Variants in RETREG3 observed in about 807,000 individuals in gnomAD.
The protein encoded by RETREG3 is reticulophagy regulator 3.
A neutral mutation model predicts 50.2 loss-of-function variants in RETREG3; 23 were observed. The observed-to-expected ratio is 0.46, with a 90% CI of 0.33 to 0.65. RETREG3 has a LOEUF of 0.65. Among genes scored for constraint, RETREG3 ranks in the 30% least tolerant of loss-of-function variants. The pLI is 0.02. For synonymous variants in RETREG3, 240 were observed against 234.4 expected (o/e 1.02, Z -0.22); for missense variants, 546 against 598.0 (o/e 0.91, Z 0.91).
chr17:42,592,209 T>G lies in RETREG3; in HGVS notation c.240-47A>C, dbSNP rs887051788. ...AGAAAGATCATTTACCTAGTTATCC[T>G]AATTTCAGAAAAGGCCACGTGTGTA... On this transcript the variant is annotated intron_variant, in intron 1 of 8. Transcript: ENST00000309428. The G allele has an allele frequency of 5.8e-6, 9 of 1,550,012 alleles. No individual in the cohort carries two copies. The African/African-American group carries it at 8.2e-5, about 14-fold the overall frequency.
In RETREG3 at chr17:42,609,285, C is replaced by T. The variant is rs750264278; in HGVS notation, c.40G>A (p.Ala14Thr). ...CGGCCCCTGAAAGTCGACCCCGAAG[C>T]CGGGCCTGGGGTCGTGGGAACCCCT... ...AEGVPTTPGP[A>T]SGSTFRGRRD... The change falls in exon 1 of 9, where the codon GCT becomes ACT. Residue 14 changes from alanine (A) to threonine (T), a missense_variant. Transcript: ENST00000309428. The T allele has an allele frequency of 1.2e-6, 2 of 1,603,700 alleles. No individual in the cohort carries two copies. The highest frequency in any genetic ancestry group is 1.7e-6 in the Non-Finnish European group (2 of 1,179,738).
rs565437401 is a variant in RETREG3 at position 42,593,864 on chromosome 17, T to C, written c.240-1702A>G. On this transcript the variant is annotated intron_variant, in intron 1 of 8. Coordinates refer to ENST00000309428, the MANE Select transcript of RETREG3 (RefSeq NM_178126.4). Reference sequence around the variant, plus strand: ...CACTCTGGGTCATTTTTTCCCTTTTTTCCCCCTAAGTAACATGTGATGTGA... The same window carrying C: ...CACTCTGGGTCATTTTTTCCCTTTTCTCCCCCTAAGTAACATGTGATGTGA... Among the ~76,000 whole-genome samples the C allele has an allele frequency of 3.9e-5, 6 of 152,276 alleles. No homozygotes were observed. In the South Asian group the frequency reaches 6.2e-4, roughly 16 times the overall value.
chr17:42,602,149 C>G (rs995862713), intron 1 of RETREG3, among the ~76,000 whole-genome samples: 1 of 151,818 alleles, frequency 6.6e-6, no homozygotes, highest in Non-Finnish European at 1.5e-5. Flanking sequence ...AACTCCATCT[C>G]TACTAAAAAT....
chr17:42,587,755 G>A, intron 3 of RETREG3, 79 bp downstream of exon 3: 1 of 1,532,552 alleles, frequency 6.5e-7, no homozygotes, highest in Non-Finnish European at 9.0e-7. Flanking sequence ...TCCAGAACAT[G>A]GGGTTAACAA....
chr17:42,581,576 A>G lies in RETREG3; in HGVS notation c.*237T>C. The G allele has an allele frequency of 2.1e-6, 1 of 487,656 alleles. No individual in the cohort carries two copies. The highest frequency in any genetic ancestry group is 3.6e-6 in the Non-Finnish European group (1 of 276,554). 30.2% of individuals were successfully genotyped at this position (487,656 alleles called of 1,614,324 possible). A position where few individuals can be genotyped will look rare whatever the true frequency, so the allele number is the denominator to read the frequency against. Reference sequence around the variant, plus strand: ...CCAAAGTACCATCCTGATGGAGAGAAGCCTCCCTTGGGGGAGCACACTCTC... The same window carrying G: ...CCAAAGTACCATCCTGATGGAGAGAGGCCTCCCTTGGGGGAGCACACTCTC... On this transcript the variant is annotated 3_prime_UTR_variant, in exon 9 of 9. Coordinates refer to ENST00000309428, the MANE Select transcript of RETREG3 (RefSeq NM_178126.4).
At chr17:42,601,567 A>C (rs2093158557) in intron 1 of RETREG3, among the ~76,000 whole-genome samples, 1 of 124,666 alleles carries the variant, frequency 8.0e-6, no homozygotes, top group South Asian at 2.8e-4. Flanking sequence ...ACAGAGCGAG[A>C]CTCTCTCAAA....
Position 42,609,371 on chromosome 17 carries a change from C to A in RETREG3, c.-47G>T, listed in dbSNP as rs751767725. 3.2e-6 allele frequency: 5 copies of A among 1,557,514 alleles called. No homozygotes were observed. Among genetic ancestry groups the A allele is most frequent in the Non-Finnish European group, 4.3e-6 (5 of 1,154,822 alleles). On this transcript the variant is annotated 5_prime_UTR_variant, in exon 1 of 9. Transcript: ENST00000309428. ...TCCGGGGCCGTGGCCCGACAAGTCA[C>A]AATAACAGCAACTGCGCAGATGCGC...
chr17:42,593,801 T>A (rs182890519), intron 1 of RETREG3, among the ~76,000 whole-genome samples: 2 of 152,270 alleles, frequency 1.3e-5, no homozygotes, highest in Non-Finnish European at 2.9e-5. Flanking sequence ...AATGAGGAAA[T>A]TCAGAAACAC....
intron 1 of RETREG3, among the ~76,000 whole-genome samples, chr17:42,595,284 G>C (rs2093141861): frequency 6.6e-6 from 1 of 150,744 alleles, no homozygotes; most frequent in Non-Finnish European, 1.5e-5. Context: ...CTTTTTTTTT[G>C]AGACGGAATT....
chr17:42,593,215 A>G (rs1397924916), intron 1 of RETREG3, among the ~76,000 whole-genome samples: 2 of 152,210 alleles, frequency 1.3e-5, no homozygotes, highest in Non-Finnish European at 2.9e-5. Flanking sequence ...CAGCATATTA[A>G]AAGTATTATA....
intron 4 of RETREG3, 121 bp downstream of exon 4, chr17:42,586,644 C>T: frequency 7.2e-7 from 1 of 1,387,710 alleles, no homozygotes; most frequent in Non-Finnish European, 9.7e-7. Context: ...TTCCTTTTGT[C>T]TCTATGAACA....
At chr17:42,596,352 C>A (rs2093144469) in intron 1 of RETREG3, among the ~76,000 whole-genome samples, 1 of 99,820 alleles carries the variant, frequency 1.0e-5, no homozygotes, top group Non-Finnish European at 1.8e-5. Flanking sequence ...AATCTGAGAC[C>A]CTTTCTCAAA....
intron 1 of RETREG3, among the ~76,000 whole-genome samples, chr17:42,606,374 G>C (rs1162049653): frequency 6.7e-6 from 1 of 149,372 alleles, no homozygotes; most frequent in African/African-American, 2.5e-5. Flanking sequence ...CCTCCTCGCA[G>C]ATCACGAGGT....
chr17:42,596,364 A>G (rs2093144721), intron 1 of RETREG3, among the ~76,000 whole-genome samples: 1 of 5,882 alleles, frequency 1.7e-4, no homozygotes, highest in East Asian at 6.2e-3. Context: ...TTTCTCAAAA[A>G]AAAAAAAAAA....
At position 42,586,034 on chromosome 17, in the gene RETREG3, AG is replaced by A; in HGVS notation, c.589+18del. ...ATGAGCAGGGTATACTTTGTAGGGG[AG>A]GTATATGTCATACTTACGCATCAAG... On this transcript the variant is annotated intron_variant, in intron 5 of 8. Coordinates refer to ENST00000309428, the MANE Select transcript of RETREG3 (RefSeq NM_178126.4). The A allele has an allele frequency of 6.2e-7, 1 of 1,611,874 alleles. No individual in the cohort carries two copies. The highest frequency in any genetic ancestry group is 1.3e-5 in the African/African-American group (1 of 74,970).
intron 3 of RETREG3, among the ~76,000 whole-genome samples, chr17:42,587,445 C>A (rs2093123569): frequency 6.6e-6 from 1 of 152,192 alleles, no homozygotes; most frequent in South Asian, 2.1e-4. Flanking sequence ...ATGCCAGGAA[C>A]CAATGTGTTT....
intron 1 of RETREG3, among the ~76,000 whole-genome samples, chr17:42,600,968 CCTT>C (rs1403836142): frequency 6.6e-6 from 1 of 151,944 alleles, no homozygotes; most frequent in African/African-American, 2.4e-5. Context: ...CAGAGTGAAA[CCTT>C]CTCTCAAAAA....
At chr17:42,587,526 C>A (rs930275248) in intron 3 of RETREG3, among the ~76,000 whole-genome samples, 2 of 152,192 alleles carry the variant, frequency 1.3e-5, no homozygotes, top group Non-Finnish European at 2.9e-5. Flanking sequence ...AGCCAGGAGA[C>A]AAATGAAGTT....
At chr17:42,591,593 G>A (rs763886317) in intron 2 of RETREG3, among the ~76,000 whole-genome samples, 1 of 152,112 alleles carries the variant, frequency 6.6e-6, no homozygotes, top group African/African-American at 2.4e-5. Flanking sequence ...ACCCGCCTCG[G>A]ACTCCCAAAG....
Sources: gnomAD v4.1 joint callset for allele counts (sites outside exome capture counted in the v4.1 genomes callset) on GRCh38, gnomAD v4.1.1 for gene constraint, MANE v1.5 for transcripts, NCBI Gene and HGNC (gene_info 2026-07-23, HGNC 2026-07-21) for gene names.